The following DPYD variants were observed in gnomAD, a reference collection of about 807,000 sequenced individuals.
DPYD encodes the protein dihydropyrimidine dehydrogenase [NADP(+)].
A neutral mutation model predicts 116.2 loss-of-function variants in DPYD; 109 were observed. The observed-to-expected ratio is 0.94, with a 90% confidence interval of 0.80 to 1.10. DPYD has a LOEUF of 1.10. Ranked by LOEUF, DPYD falls within the 50% of genes least tolerant of loss-of-function variation. DPYD has a pLI of 0.00. For missense variants in DPYD, 1,302 were observed against 1,254.5 expected (o/e 1.04, Z -0.57); for synonymous variants, 440 against 432.0 (o/e 1.02, Z -0.23).
In DPYD at chr1:97,545,965, A is replaced by AT. The variant is rs1441236577; in HGVS notation, c.1524+3594dup. 1.3e-5 allele frequency: 17 copies of AT among 1,276,548 alleles called. No homozygotes were observed. The African/African-American group carries it at 2.5e-4, about 19-fold the overall frequency. The allele number at this position is 1,276,548 out of a possible 1,614,324, so 79.1% of individuals were successfully genotyped here. A position where few individuals can be genotyped will look rare whatever the true frequency, so the allele number is the denominator to read the frequency against. The stretch of plus-strand genomic sequence containing the variant: ...CATACTCTACTGCACTTCCTTGAAG[A>AT]TGAAAAATATGAAGAGGTTATGGCT... On this transcript the variant is annotated intron_variant, in intron 12 of 22. Coordinates refer to ENST00000370192, the MANE Select transcript of DPYD (RefSeq NM_000110.4).
intron 5 of DPYD, among the ~76,000 whole-genome samples, chr1:97,703,531 T>A (rs1367770036): frequency 6.6e-6 from 1 of 151,996 alleles, no homozygotes; most frequent in African/African-American, 2.4e-5. Flanking sequence ...TCAAATTCCA[T>A]GAGACAGAAT....
intron 2 of DPYD, among the ~76,000 whole-genome samples, chr1:97,831,140 AT>A (rs996293655): frequency 7.2e-5 from 11 of 152,202 alleles, no homozygotes; most frequent in Non-Finnish European, 1.5e-4. Flanking sequence ...AATCAAATCT[AT>A]TTTTTATGCT....
chr1:97,716,660 A>T (rs1445086546), intron 5 of DPYD, among the ~76,000 whole-genome samples: 1 of 151,966 alleles, frequency 6.6e-6, no homozygotes, highest in Non-Finnish European at 1.5e-5. Context: ...CAAAGAATAA[A>T]CTTTTTAAAA....
intron 12 of DPYD, chr1:97,546,693 T>A: frequency 6.2e-7 from 1 of 1,613,036 alleles, no homozygotes; most frequent in Non-Finnish European, 8.5e-7. Flanking sequence ...ATCATGTGTG[T>A]ACACTAAAAG....
chr1:97,621,986 T>C, intron 8 of DPYD, among the ~76,000 whole-genome samples: 1 of 151,842 alleles, frequency 6.6e-6, no homozygotes, highest in East Asian at 1.9e-4. Context: ...TATCCACGAG[T>C]CCATCATACT....
chr1:97,734,450 G>A (rs1477610703), intron 4 of DPYD, among the ~76,000 whole-genome samples: 1 of 152,000 alleles, frequency 6.6e-6, no homozygotes, highest in Non-Finnish European at 1.5e-5. Context: ...ATCAGTATCT[G>A]ATATAATAAA....
intron 2 of DPYD, among the ~76,000 whole-genome samples, chr1:97,853,041 G>A (rs979706135): frequency 6.6e-6 from 1 of 152,104 alleles, no homozygotes; most frequent in African/African-American, 2.4e-5. Context: ...TCTGAGTAAT[G>A]GTTGCACAGA....
chr1:97,709,948 C>T (rs1662193504), intron 5 of DPYD, among the ~76,000 whole-genome samples: 1 of 151,672 alleles, frequency 6.6e-6, no homozygotes, highest in East Asian at 1.9e-4. Context: ...AAGTAAAATA[C>T]TCTTGGAAAT....
At chr1:97,743,677 A>G (rs1304093438) in intron 3 of DPYD, among the ~76,000 whole-genome samples, 1 of 152,134 alleles carries the variant, frequency 6.6e-6, no homozygotes, top group African/African-American at 2.4e-5. Context: ...TATTACCTAA[A>G]TTGCTTTAAA....
intron 16 of DPYD, among the ~76,000 whole-genome samples, chr1:97,367,610 G>A (rs1388636971): frequency 6.6e-6 from 1 of 152,140 alleles, no homozygotes; most frequent in African/African-American, 2.4e-5. Context: ...GATGATAGCG[G>A]TTGTACTGCC....
chr1:97,775,936 C>T (rs1666380436), intron 3 of DPYD, among the ~76,000 whole-genome samples: 1 of 151,832 alleles, frequency 6.6e-6, no homozygotes, highest in East Asian at 1.9e-4. Context: ...GTTTCATTTT[C>T]TGTTAATTTT....
At chr1:97,391,172 T>C (rs1002563751) in intron 14 of DPYD, among the ~76,000 whole-genome samples, 2 of 151,670 alleles carry the variant, frequency 1.3e-5, no homozygotes, top group African/African-American at 4.8e-5. Context: ...GACATCATAT[T>C]CGCAATGACT....
chr1:97,273,736 T>C (rs903148701), intron 18 of DPYD, among the ~76,000 whole-genome samples: 3 of 152,206 alleles, frequency 2.0e-5, no homozygotes, highest in Admixed American at 6.5e-5. Flanking sequence ...TTCTCTTTCT[T>C]GCATGAGTTC....
chr1:97,428,968 T>C (rs1019853085), intron 14 of DPYD, among the ~76,000 whole-genome samples: 3 of 152,176 alleles, frequency 2.0e-5, no homozygotes, highest in East Asian at 3.9e-4. Context: ...AAAAGTTTTA[T>C]AAGGATTCAA....
chr1:97,223,972 T>C (rs577648665), intron 19 of DPYD, among the ~76,000 whole-genome samples: 3 of 152,190 alleles, frequency 2.0e-5, no homozygotes, highest in Admixed American at 6.5e-5. Context: ...CTCAAGAGTT[T>C]ATGAATAATT....
At chr1:97,557,813 A>C (rs184990788) in intron 11 of DPYD, among the ~76,000 whole-genome samples, 2 of 152,332 alleles carry the variant, frequency 1.3e-5, no homozygotes, top group South Asian at 2.1e-4. Context: ...ATAATCAATC[A>C]GCACTTATGG....
At chr1:97,450,698 A>T (rs1416550549) in intron 13 of DPYD, among the ~76,000 whole-genome samples, 1 of 151,978 alleles carries the variant, frequency 6.6e-6, no homozygotes, top group Non-Finnish European at 1.5e-5. Context: ...AAGGAATAAT[A>T]TTAGTATTAC....
At chr1:97,629,718 G>A (rs1275691450) in intron 8 of DPYD, among the ~76,000 whole-genome samples, 2 of 151,844 alleles carry the variant, frequency 1.3e-5, no homozygotes, top group Non-Finnish European at 2.9e-5. Flanking sequence ...TGCATAAAAT[G>A]CTAGAAATCT....
At chr1:97,740,369 T>C in intron 4 of DPYD, 23 bp downstream of exon 4, 1 of 1,567,634 alleles carries the variant, frequency 6.4e-7, no homozygotes, top group East Asian at 2.2e-5. Context: ...TATTTTCATT[T>C]GCAGAGTTAA....
Sources: gnomAD v4.1 joint callset for allele counts (sites outside exome capture counted in the v4.1 genomes callset) on GRCh38, gnomAD v4.1.1 for gene constraint, MANE v1.5 for transcripts, NCBI Gene and HGNC (gene_info 2026-07-23, HGNC 2026-07-21) for gene names.